CRACD: variants seen among roughly 807,000 people sequenced by gnomAD.
CRACD encodes capping protein inhibiting regulator of actin dynamics.
CRACD carries 56 observed loss-of-function variants against 106.8 expected under a neutral mutation model. The ratio of observed to expected loss-of-function variants is 0.52; its 90% CI spans 0.42 to 0.66. The LOEUF (loss-of-function observed/expected upper bound fraction) is 0.66. Ranked by LOEUF, CRACD falls within the 30% of genes least tolerant of loss-of-function variation. The probability of loss-of-function intolerance (pLI) is 0.00; values close to 1 mark genes in which losing one functional copy is unlikely to be tolerated. For missense variants in CRACD, 1,730 were observed against 1,623.2 expected (o/e 1.07, Z -1.13); for synonymous variants, 754 against 670.8 (o/e 1.12, Z -1.92).
At chr4:56,175,968 T>A (rs181935553) in intron 1 of CRACD, among the ~76,000 whole-genome samples, 1 of 152,346 alleles carries the variant, frequency 6.6e-6, no homozygotes, top group African/African-American at 2.4e-5. Context: ...TATGGTGAGA[T>A]ATAGAGGTCT....
intron 3 of CRACD, among the ~76,000 whole-genome samples, chr4:56,292,733 C>T (rs1291212449): frequency 6.6e-6 from 1 of 152,040 alleles, no homozygotes; most frequent in African/African-American, 2.4e-5. Flanking sequence ...ACCGTGTCAA[C>T]CAGGATGGTC....
intron 1 of CRACD, among the ~76,000 whole-genome samples, chr4:56,065,426 C>T (rs914887009): frequency 6.6e-6 from 1 of 152,116 alleles, no homozygotes; most frequent in African/African-American, 2.4e-5. Flanking sequence ...TGTTACTTTC[C>T]GAGATTCACC....
intron 1 of CRACD, among the ~76,000 whole-genome samples, chr4:56,069,349 A>C (rs1367721133): frequency 6.6e-6 from 1 of 152,184 alleles, no homozygotes; most frequent in African/African-American, 2.4e-5. Context: ...TGGGGTTACA[A>C]AGTTGAGAGT....
chr4:56,132,569 G>T (rs1420912711), intron 1 of CRACD, among the ~76,000 whole-genome samples: 1 of 151,968 alleles, frequency 6.6e-6, no homozygotes, highest in African/African-American at 2.4e-5. Flanking sequence ...AAATTCTTGG[G>T]CTCAAGTGAT....
At chr4:56,157,345 C>T (rs962781798) in intron 1 of CRACD, among the ~76,000 whole-genome samples, 3 of 151,956 alleles carry the variant, frequency 2.0e-5, no homozygotes, top group Non-Finnish European at 4.4e-5. Context: ...GTTTACTAAA[C>T]GATGAGGTTG....
chr4:56,188,771 T>C (rs1258595322), intron 2 of CRACD, among the ~76,000 whole-genome samples: 1 of 150,970 alleles, frequency 6.6e-6, no homozygotes, highest in Non-Finnish European at 1.5e-5. Flanking sequence ...TAATTTTTGG[T>C]AAATATGTCA....
At chr4:56,265,106 A>T (rs1055723092) in intron 2 of CRACD, among the ~76,000 whole-genome samples, 1 of 152,194 alleles carries the variant, frequency 6.6e-6, no homozygotes, top group African/African-American at 2.4e-5. Flanking sequence ...CATAATGGAA[A>T]TGTGCTGGGA....
Position 56,314,536 on chromosome 4 carries a change from G to T in CRACD, c.1034G>T (p.Arg345Met), listed in dbSNP as rs1230480856. 2 of 1,508,562 alleles carry T rather than the reference G, an allele frequency of 1.3e-6. No homozygotes were observed. The allele number at this position is 1,508,562 out of a possible 1,614,324, so 93.4% of individuals were successfully genotyped here. The change falls in exon 8 of 11, where the codon AGG becomes ATG. Residue 345 changes from arginine (R) to methionine (M), a missense_variant. Transcript: ENST00000682029. The surrounding 1 kb of genome is among the most constrained non-coding windows in gnomAD (Gnocchi z 4.4). ...LEEDARLEER[R>M]RQEEEEGRCA... is the part of the protein sequence containing the mutation. ...GAGGACGCCAGGCTGGAGGAGCGGA[G>T]GCGGCAGGAGGAGGAGGAAGGAAGA... is the stretch of plus-strand genomic sequence containing the variant.
chr4:56,292,259 T>G (rs1224587472), intron 3 of CRACD, among the ~76,000 whole-genome samples: 1 of 152,192 alleles, frequency 6.6e-6, no homozygotes, highest in East Asian at 1.9e-4. Context: ...GCATTTAAGA[T>G]GTGGCCTGGC....
In CRACD at chr4:56,074,020, T is replaced by C. The variant is rs531470574; in HGVS notation, c.-336+24721T>C. On this transcript the variant is annotated intron_variant, in intron 1 of 10. Coordinates refer to ENST00000682029, the MANE Select transcript of CRACD (RefSeq NM_001393381.1). ...CAAAGATCAGGTGGTTGTAGATGTG[T>C]GTTGTTATTTCTGAGGGCTCTGTTC... 4.6e-5 allele frequency among the ~76,000 whole-genome samples: 7 copies of C among 152,268 alleles called. No homozygotes were observed. The South Asian group carries it at 1.2e-3, about 27-fold the overall frequency.
At chr4:56,139,656 A>T (rs1352692669) in intron 1 of CRACD, among the ~76,000 whole-genome samples, 1 of 152,214 alleles carries the variant, frequency 6.6e-6, no homozygotes, top group Non-Finnish European at 1.5e-5. Flanking sequence ...ACAGTGTGAG[A>T]GGAAGAGAAA....
At chr4:56,068,017 T>C (rs1387540118) in intron 1 of CRACD, among the ~76,000 whole-genome samples, 2 of 148,972 alleles carry the variant, frequency 1.3e-5, no homozygotes, top group Non-Finnish European at 2.9e-5. Context: ...CACATTCCAG[T>C]GTGTGTGTGA....
intron 3 of CRACD, among the ~76,000 whole-genome samples, chr4:56,289,264 A>C (rs1406272938): frequency 6.6e-6 from 1 of 152,228 alleles, no homozygotes. Flanking sequence ...TTAAAATACT[A>C]AATTTTATGT....
chr4:56,090,152 T>TA (rs11324878), intron 1 of CRACD, among the ~76,000 whole-genome samples: 479 of 140,352 alleles, frequency 3.4e-3, no homozygotes, highest in Middle Eastern at 7.5e-3. Flanking sequence ...TCCTTTTTTT[T>TA]AAAAAAAAAA....
chr4:56,276,618 T>C (rs1450357110), intron 3 of CRACD, among the ~76,000 whole-genome samples: 1 of 152,150 alleles, frequency 6.6e-6, no homozygotes, highest in Non-Finnish European at 1.5e-5. Flanking sequence ...TTGCCTAAGG[T>C]CATATAGCTT....
rs112532731 is a variant in CRACD, at chr4:56,205,009, A to C, written c.-189+25579A>C. ...TCATTTCTACAAAAAATAAAAACTT[A>C]ACCGGGTGTGGTGGCATGTGCCTGT... On this transcript the variant is annotated intron_variant, in intron 2 of 10. Coordinates refer to ENST00000682029, the MANE Select transcript of CRACD (RefSeq NM_001393381.1). Among the ~76,000 whole-genome samples the C allele has an allele frequency of 8.4e-3, 1,281 of 152,154 alleles. 16 individuals carry two copies. The highest frequency in any genetic ancestry group is 0.028 in the African/African-American group (1,173 of 41,512).
At chr4:56,195,199 C>T (rs949791897) in intron 2 of CRACD, among the ~76,000 whole-genome samples, 3 of 152,056 alleles carry the variant, frequency 2.0e-5, no homozygotes, top group Non-Finnish European at 4.4e-5. Context: ...ACACATGGCT[C>T]GCTTAATACA....
At chr4:56,263,215 G>A (rs1022117252) in intron 2 of CRACD, among the ~76,000 whole-genome samples, 3 of 152,160 alleles carry the variant, frequency 2.0e-5, no homozygotes, top group Admixed American at 6.5e-5. Context: ...TTGTGTTTGC[G>A]GGGAGTGGTT....
intron 2 of CRACD, among the ~76,000 whole-genome samples, chr4:56,197,958 T>G (rs1309601590): frequency 6.6e-6 from 1 of 152,154 alleles, no homozygotes; most frequent in Admixed American, 6.5e-5. Context: ...ATTACAGGCG[T>G]GAGCACCTGC....
Sources: gnomAD v4.1 joint callset for allele counts (sites outside exome capture counted in the v4.1 genomes callset) on GRCh38, gnomAD v4.1.1 for gene constraint, Gnocchi (gnomAD v3.1) non-coding constraint, MANE v1.5 for transcripts, NCBI Gene and HGNC (gene_info 2026-07-23, HGNC 2026-07-21) for gene names.